MTUS2: variants seen among roughly 807,000 people sequenced by gnomAD.
The protein encoded by MTUS2 is microtubule associated scaffold protein 2, also known as microtubule-associated tumor suppressor candidate 2.
Under a neutral mutation model 114.1 loss-of-function variants are expected in MTUS2, and 40 were observed. The ratio of observed to expected loss-of-function variants is 0.35; its 90% CI spans 0.27 to 0.46. The LOEUF is 0.46. Ranked by LOEUF, MTUS2 falls within the 20% of genes least tolerant of loss-of-function variation. The probability of loss-of-function intolerance (pLI) is 1.00; values close to 1 mark genes in which losing one functional copy is unlikely to be tolerated. For synonymous variants in MTUS2, 688 were observed against 672.0 expected (o/e 1.02, Z -0.37); for missense variants, 1,679 against 1,705.4 (o/e 0.98, Z 0.27).
chr13:28,874,623 G>C (rs1593262464), intron 2 of MTUS2, among the ~76,000 whole-genome samples: 1 of 152,288 alleles, frequency 6.6e-6, no homozygotes, highest in Admixed American at 6.5e-5. Context: ...AGGCATGGTT[G>C]CTGGCTCCCC....
intron 8 of MTUS2, among the ~76,000 whole-genome samples, chr13:29,433,047 C>T (rs942828170): frequency 6.6e-6 from 1 of 152,152 alleles, no homozygotes; most frequent in African/African-American, 2.4e-5. Context: ...CTCCCTTCTC[C>T]TGCACTTACT....
chr13:29,481,229 A>G (rs1881143436), intron 10 of MTUS2, among the ~76,000 whole-genome samples: 1 of 152,232 alleles, frequency 6.6e-6, no homozygotes, highest in African/African-American at 2.4e-5. Context: ...TGGACTAACC[A>G]GAGGATAATT....
chr13:29,006,672 G>GT (rs1311770691), intron 2 of MTUS2, among the ~76,000 whole-genome samples: 2 of 152,162 alleles, frequency 1.3e-5, no homozygotes, highest in Non-Finnish European at 2.9e-5. Flanking sequence ...GCAGGTTTTT[G>GT]TTTGTTCATT....
chr13:29,227,949 T>C (rs1478580601), intron 5 of MTUS2, among the ~76,000 whole-genome samples: 1 of 152,228 alleles, frequency 6.6e-6, no homozygotes, highest in Non-Finnish European at 1.5e-5. Flanking sequence ...TATCCAGTTT[T>C]ATATTAATAG....
chr13:29,392,106 C>T (rs1366797440), intron 8 of MTUS2, among the ~76,000 whole-genome samples: 18 of 121,966 alleles, frequency 1.5e-4, no homozygotes, highest in African/African-American at 1.9e-4. Flanking sequence ...CCAGCCTGGG[C>T]GACAGAGCAA....
At chr13:29,367,033 TTCTG>T (rs1870780025) in intron 8 of MTUS2, among the ~76,000 whole-genome samples, 1 of 152,136 alleles carries the variant, frequency 6.6e-6, no homozygotes, top group Admixed American at 6.5e-5. Context: ...ATCCTAATCA[TTCTG>T]TCTATGGTCC....
At chr13:29,338,905 G>A (rs941856138) in intron 7 of MTUS2, among the ~76,000 whole-genome samples, 3 of 152,198 alleles carry the variant, frequency 2.0e-5, no homozygotes, top group African/African-American at 7.2e-5. Context: ...TCTCTTCAGT[G>A]TGGGCTCTGC....
intron 7 of MTUS2, chr13:29,339,621 T>G (rs1901281002): frequency 6.2e-6 from 1 of 160,914 alleles, no homozygotes; most frequent in Admixed American, 6.5e-5. Context: ...CACTGCTTCA[T>G]GTAGGCCAGG....
At chr13:29,070,242 C>T (rs1888854547) in intron 4 of MTUS2, among the ~76,000 whole-genome samples, 2 of 152,172 alleles carry the variant, frequency 1.3e-5, no homozygotes, top group African/African-American at 4.8e-5. Context: ...CCTCTGGAAC[C>T]TCTACTCACC....
At chr13:29,487,714 G>A in intron 10 of MTUS2, 186 bp from the exon 11 acceptor site, 1 of 610,138 alleles carries the variant, frequency 1.6e-6, no homozygotes, top group Non-Finnish European at 2.9e-6. Flanking sequence ...GAGCCAGGTT[G>A]TGGCAGTGAC....
intron 2 of MTUS2, among the ~76,000 whole-genome samples, chr13:28,965,335 G>T (rs1311582195): frequency 6.6e-6 from 1 of 152,172 alleles, no homozygotes; most frequent in Non-Finnish European, 1.5e-5. Context: ...AGTGGGCCTA[G>T]ATCTTGAATC....
chr13:29,443,503 C>T (rs1878051390), intron 9 of MTUS2, among the ~76,000 whole-genome samples: 1 of 152,226 alleles, frequency 6.6e-6, no homozygotes, highest in Non-Finnish European at 1.5e-5. Flanking sequence ...AATTACCTGC[C>T]AGATGAAAAA....
chr13:29,223,708 A>G (rs1895996818), intron 5 of MTUS2, among the ~76,000 whole-genome samples: 1 of 152,202 alleles, frequency 6.6e-6, no homozygotes, highest in African/African-American at 2.4e-5. Context: ...ACAGGCTGAA[A>G]CATGCCCCTT....
intron 8 of MTUS2, among the ~76,000 whole-genome samples, chr13:29,405,297 A>G (rs1037179515): frequency 1.3e-5 from 2 of 152,232 alleles, no homozygotes; most frequent in African/African-American, 4.8e-5. Flanking sequence ...TCTTAATTAA[A>G]TCATTTACCA....
At chr13:29,383,860 C>A (rs958311691) in intron 8 of MTUS2, among the ~76,000 whole-genome samples, 1 of 152,226 alleles carries the variant, frequency 6.6e-6, no homozygotes, top group South Asian at 2.1e-4. Flanking sequence ...CATCCACAGG[C>A]CACTTACATA....
intron 2 of MTUS2, among the ~76,000 whole-genome samples, chr13:28,949,250 A>G (rs77822824): frequency 2.6e-5 from 4 of 152,266 alleles, no homozygotes; most frequent in Non-Finnish European, 5.9e-5. Flanking sequence ...TCTGTTGTGT[A>G]TGGTTTGGGC....
At position 29,324,665 on chromosome 13, in the gene MTUS2, A is replaced by G. The variant is rs1384803427; in HGVS notation, c.2859A>G (p.Ser953=). The G allele has an allele frequency of 6.3e-7, 1 of 1,598,954 alleles. No individual in the cohort carries two copies. Among genetic ancestry groups the G allele is most frequent in the African/African-American group, 1.3e-5 (1 of 74,928 alleles). Residue 953 remains serine, a synonymous_variant, in exon 7 of 16, where the codon TCA becomes TCG. Coordinates refer to ENST00000612955, the MANE Select transcript of MTUS2 (RefSeq NM_001033602.4). ...AAGATACGAATAAACCTGCTGTTTCATCTCCTAAGAGAGTAGCAGCTTCAA... is the reference window on the plus strand; with the variant it reads ...AAGATACGAATAAACCTGCTGTTTCGTCTCCTAAGAGAGTAGCAGCTTCAA... The part of the protein sequence containing the change: ...KDQDTNKPAV[S]SPKRVAASTT...
chr13:29,238,814 A>G (rs559541366), intron 5 of MTUS2, among the ~76,000 whole-genome samples: 24 of 152,332 alleles, frequency 1.6e-4, no homozygotes, highest in African/African-American at 5.1e-4. Flanking sequence ...ACGGTGGATG[A>G]ACCTGGATTA....
At chr13:28,992,163 T>G (rs1247683947) in intron 2 of MTUS2, among the ~76,000 whole-genome samples, 2 of 152,198 alleles carry the variant, frequency 1.3e-5, no homozygotes, top group Non-Finnish European at 2.9e-5. Context: ...CTCCATGGGC[T>G]GAAGCATTTG....
Sources: allele counts gnomAD v4.1 joint callset (sites outside exome capture counted in the v4.1 genomes callset), GRCh38; gene constraint gnomAD v4.1.1; transcripts MANE v1.5; gene names NCBI Gene and HGNC (gene_info 2026-07-23, HGNC 2026-07-21).